MYO5A: variants seen among roughly 807,000 people sequenced by gnomAD.
MYO5A encodes the protein myosin VA, also known as unconventional myosin-Va.
In MYO5A, 98 loss-of-function variants were observed where a neutral mutation model predicts 249.7. That is an observed-to-expected ratio of 0.39 (90% CI 0.33 to 0.46). MYO5A has a LOEUF of 0.46. Among genes scored for constraint, MYO5A ranks in the 20% least tolerant of loss-of-function variants. The probability of loss-of-function intolerance (pLI) is 0.98; values close to 1 mark genes in which losing one functional copy is unlikely to be tolerated. For missense variants in MYO5A, 1,696 were observed against 2,308.8 expected (o/e 0.73, Z 5.44); for synonymous variants, 778 against 810.6 (o/e 0.96, Z 0.68).
intron 1 of MYO5A, among the ~76,000 whole-genome samples, chr15:52,449,972 A>G (rs2075980724): frequency 6.6e-6 from 1 of 152,112 alleles, no homozygotes; most frequent in South Asian, 2.1e-4. Flanking sequence ...ACTGCACTCT[A>G]GCCTGAGCGA....
chr15:52,389,100 T>C, intron 13 of MYO5A, 138 bp downstream of exon 13: 1 of 798,372 alleles, frequency 1.3e-6, no homozygotes, highest in Non-Finnish European at 1.9e-6. Context: ...AACCAACATG[T>C]CAACACTGAA....
chr15:52,475,061 C>T (rs1289356663), intron 1 of MYO5A, among the ~76,000 whole-genome samples: 1 of 152,198 alleles, frequency 6.6e-6, no homozygotes, highest in Non-Finnish European at 1.5e-5. Flanking sequence ...GCCTCAATTT[C>T]AGAGCCTGTT....
chr15:52,455,832 G>A (rs1405051923), intron 1 of MYO5A, among the ~76,000 whole-genome samples: 1 of 150,862 alleles, frequency 6.6e-6, no homozygotes, highest in Non-Finnish European at 1.5e-5. Flanking sequence ...AATAATAAAG[G>A]CCACATATGA....
chr15:52,528,882 G>A (rs565184696), upstream of MYO5A: 4 of 1,330,566 alleles, frequency 3.0e-6, no homozygotes, highest in East Asian at 6.5e-5. Flanking sequence ...GAGCGGACTA[G>A]GAAGCGCCCG....
intron 1 of MYO5A, among the ~76,000 whole-genome samples, chr15:52,456,708 C>T (rs1230995500): frequency 1.3e-5 from 2 of 152,132 alleles, no homozygotes; most frequent in East Asian, 1.9e-4. Flanking sequence ...GCACCAAGTA[C>T]GTACAATTGG....
At chr15:52,497,031 G>A (rs1007980867) in intron 1 of MYO5A, among the ~76,000 whole-genome samples, 2 of 152,148 alleles carry the variant, frequency 1.3e-5, no homozygotes, top group Non-Finnish European at 2.9e-5. Context: ...ACACAATCAC[G>A]ACTCACTGCA....
At chr15:52,437,421 C>A (rs1595682211) in intron 1 of MYO5A, among the ~76,000 whole-genome samples, 1 of 151,866 alleles carries the variant, frequency 6.6e-6, no homozygotes, top group Non-Finnish European at 1.5e-5. Flanking sequence ...ATGGTGAAAC[C>A]CCGCCTCTAC....
chr15:52,512,114 G>A (rs1470314077), intron 1 of MYO5A, among the ~76,000 whole-genome samples: 1 of 147,248 alleles, frequency 6.8e-6, no homozygotes, highest in East Asian at 2.0e-4. Flanking sequence ...AGTGAGCCGA[G>A]ATTGCGCCAC....
At chr15:52,528,742 C>A (rs1258022869) in intron 1 of MYO5A, 38 bp downstream of exon 1, 1 of 1,495,968 alleles carries the variant, frequency 6.7e-7, no homozygotes, top group African/African-American at 1.5e-5. Flanking sequence ...GAGGGCCGCA[C>A]AGCCCCAGTC....
At chr15:52,364,100 T>C (rs2040683432) in intron 24 of MYO5A, among the ~76,000 whole-genome samples, 1 of 151,954 alleles carries the variant, frequency 6.6e-6, no homozygotes, top group South Asian at 2.1e-4. Context: ...TAGCTGGGCA[T>C]GGTGGTGGGC....
intron 1 of MYO5A, among the ~76,000 whole-genome samples, chr15:52,472,272 G>C (rs2076490063): frequency 6.6e-6 from 1 of 151,990 alleles, no homozygotes; most frequent in Non-Finnish European, 1.5e-5. Flanking sequence ...GTAGAGACAG[G>C]GTTTCACCGT....
At position 52,376,358 on chromosome 15, in the gene MYO5A, G is replaced by A; in HGVS notation, c.2409C>T (p.Tyr803=). The A allele has an allele frequency of 6.2e-7, 1 of 1,613,924 alleles. No homozygotes were observed. Among genetic ancestry groups the A allele is most frequent in the Non-Finnish European group, 8.5e-7 (1 of 1,179,942 alleles). The change falls in exon 19 of 42, where the codon TAC becomes TAT. Residue 803 remains tyrosine (Y), a synonymous_variant. Transcript: ENST00000399233. ...AITMQRYVRG[Y]QARCYAKFLR... ...CCCAGGAGACCTACCATCGGGCCTG[G>A]TAGCCCCGCACGTATCTCTGCATGG...
intron 12 of MYO5A, among the ~76,000 whole-genome samples, chr15:52,391,375 G>A (rs568411047): frequency 6.6e-6 from 1 of 152,284 alleles, no homozygotes; most frequent in South Asian, 2.1e-4. Context: ...GTACACCTGT[G>A]CTAAAATGTA....
At chr15:52,314,856 C>A (rs1471962693) in intron 40 of MYO5A, among the ~76,000 whole-genome samples, 1 of 152,040 alleles carries the variant, frequency 6.6e-6, no homozygotes, top group Non-Finnish European at 1.5e-5. Context: ...TAGATATTTC[C>A]ATTTTCAAGG....
chr15:52,329,974 G>A (rs2038806222), intron 35 of MYO5A, among the ~76,000 whole-genome samples: 1 of 133,952 alleles, frequency 7.5e-6, no homozygotes, highest in African/African-American at 3.3e-5. Flanking sequence ...TGGCCTTGAG[G>A]GTTTTTTCTT....
intron 5 of MYO5A, among the ~76,000 whole-genome samples, chr15:52,413,300 C>A (rs1448525893): frequency 6.6e-6 from 1 of 151,642 alleles, no homozygotes; most frequent in Admixed American, 6.6e-5. Context: ...CAGAGCAAGA[C>A]CCTGTCTCTT....
intron 1 of MYO5A, among the ~76,000 whole-genome samples, chr15:52,510,617 C>CTTAA (rs2077370675): frequency 6.6e-6 from 1 of 152,204 alleles, no homozygotes; most frequent in Non-Finnish European, 1.5e-5. Flanking sequence ...AGCATGAACC[C>CTTAA]TATTATGAAC....
intron 1 of MYO5A, among the ~76,000 whole-genome samples, chr15:52,484,087 G>C (rs192742480): frequency 4.6e-5 from 7 of 152,288 alleles, no homozygotes; most frequent in Admixed American, 2.6e-4. Flanking sequence ...GATCAAGTAG[G>C]CCAGGAAAAG....
intron 14 of MYO5A, among the ~76,000 whole-genome samples, 167 bp from the exon 15 acceptor site, chr15:52,384,489 G>A (rs2041892670): frequency 3.9e-5 from 6 of 152,168 alleles, no homozygotes; most frequent in Admixed American, 3.9e-4. Flanking sequence ...AGAGGAAGGT[G>A]AGGTAAGTGC....
Sources: allele counts gnomAD v4.1 joint callset (sites outside exome capture counted in the v4.1 genomes callset), GRCh38; gene constraint gnomAD v4.1.1; transcripts MANE v1.5; gene names NCBI Gene and HGNC (gene_info 2026-07-23, HGNC 2026-07-21).